Variants in DENND1B observed in about 807,000 individuals in gnomAD.
The protein encoded by DENND1B is DENN domain-containing protein 1B.
DENND1B carries 59 observed loss-of-function variants against 90.1 expected under a neutral mutation model. The ratio of observed to expected loss-of-function variants is 0.65; its 90% CI spans 0.53 to 0.81. The LOEUF (loss-of-function observed/expected upper bound fraction) is 0.81, where lower values mean the gene tolerates loss of function less well. DENND1B is among the 40% of genes least tolerant of loss of function. DENND1B has a pLI of 0.00. For synonymous variants in DENND1B, 337 were observed against 324.6 expected, an observed-to-expected ratio of 1.04 and a Z score of -0.41; for missense variants, 862 against 912.6, an observed-to-expected ratio of 0.94 and a Z score of 0.71.
At chr1:197,760,122 A>G (rs143493894) in intron 2 of DENND1B, among the ~76,000 whole-genome samples, 58 of 152,346 alleles carry the variant, frequency 3.8e-4, no homozygotes, top group African/African-American at 1.3e-3. Flanking sequence ...TAAGATGACT[A>G]GAAAGCAATT....
chr1:197,684,431 T>G (rs1192484437), intron 3 of DENND1B, among the ~76,000 whole-genome samples: 2 of 152,226 alleles, frequency 1.3e-5, no homozygotes, highest in Non-Finnish European at 2.9e-5. Flanking sequence ...AATCAGCAGA[T>G]GCCTAAATGT....
intron 10 of DENND1B, among the ~76,000 whole-genome samples, chr1:197,635,443 C>G (rs1679699048): frequency 6.6e-6 from 1 of 152,006 alleles, no homozygotes. Context: ...CTCAAGCAAT[C>G]CTCCCACCTC....
At chr1:197,691,997 C>T (rs1657939466) in intron 3 of DENND1B, among the ~76,000 whole-genome samples, 1 of 151,856 alleles carries the variant, frequency 6.6e-6, no homozygotes, top group South Asian at 2.1e-4. Context: ...TCAACAGGTA[C>T]AAAGTTCAGT....
At chr1:197,779,380 G>A (rs1344255082), upstream of DENND1B, among the ~76,000 whole-genome samples, 1 of 152,070 alleles carries the variant, frequency 6.6e-6, no homozygotes, top group Non-Finnish European at 1.5e-5. Context: ...TCACTGTGAA[G>A]TATCTAGGTG....
At chr1:197,693,250 A>G (rs1490445137) in intron 3 of DENND1B, among the ~76,000 whole-genome samples, 1 of 151,684 alleles carries the variant, frequency 6.6e-6, no homozygotes, top group East Asian at 1.9e-4. Context: ...AAGCTGCAAT[A>G]TTGTCACTTA....
chr1:197,519,087 A>C (rs1668593909), intron 20 of DENND1B, among the ~76,000 whole-genome samples: 1 of 151,946 alleles, frequency 6.6e-6, no homozygotes, highest in South Asian at 2.1e-4. Flanking sequence ...TGAAGATGTA[A>C]TTATTACATT....
At chr1:197,659,806 G>A (rs995090047) in intron 5 of DENND1B, among the ~76,000 whole-genome samples, 15 of 151,794 alleles carry the variant, frequency 9.9e-5, no homozygotes, top group Admixed American at 7.9e-4. Context: ...AAAGCCCCTC[G>A]AAGTCCTATT....
rs760132058 is a variant in DENND1B at position 197,674,179 on chromosome 1, G to A, written c.127-10C>T. ...CACTCTGTAGTATTTCCTACAAATG[G>A]AAATTTCAAAAAAAAGAAATAAGTT... On this transcript the variant is annotated splice_polypyrimidine_tract_variant and intron_variant, in intron 3 of 22. Transcript: ENST00000620048. 22 of 1,575,854 alleles carry A rather than the reference G, an allele frequency of 1.4e-5. No homozygotes were observed. Among genetic ancestry groups the A allele is most frequent in the Admixed American group, 1.9e-5 (1 of 53,762 alleles).
At chr1:197,728,706 C>T (rs1483537011) in intron 2 of DENND1B, among the ~76,000 whole-genome samples, 1 of 152,182 alleles carries the variant, frequency 6.6e-6, no homozygotes, top group African/African-American at 2.4e-5. Flanking sequence ...CTCTTCTCAA[C>T]TCACTGCCAC....
chr1:197,531,404 T>A, intron 20 of DENND1B, among the ~76,000 whole-genome samples: 1 of 3,662 alleles, frequency 2.7e-4, no homozygotes, highest in African/African-American at 2.9e-4. Context: ...TTTTTTTTTT[T>A]CTTTTTTTTT....
At chr1:197,658,151 A>G in intron 6 of DENND1B, 149 bp downstream of exon 6, 1 of 688,348 alleles carries the variant, frequency 1.5e-6, no homozygotes, top group Non-Finnish European at 2.6e-6. Context: ...TTAGACTGGC[A>G]AGGAAAAAAG....
At chr1:197,584,832 C>T (rs1030779418) in intron 14 of DENND1B, among the ~76,000 whole-genome samples, 1 of 151,866 alleles carries the variant, frequency 6.6e-6, no homozygotes, top group Non-Finnish European at 1.5e-5. Flanking sequence ...CCACCATGCC[C>T]GGCTAACATT....
chr1:197,674,667 T>TAAAA (rs35033905), intron 3 of DENND1B, among the ~76,000 whole-genome samples: 1 of 144,700 alleles, frequency 6.9e-6, no homozygotes, highest in African/African-American at 2.5e-5. Flanking sequence ...GTCAAACAGT[T>TAAAA]AAAAAAAAAA....
intron 2 of DENND1B, among the ~76,000 whole-genome samples, chr1:197,752,591 A>T (rs957921669): frequency 2.0e-5 from 3 of 152,046 alleles, no homozygotes; most frequent in African/African-American, 7.3e-5. Context: ...TGAGTTTAGT[A>T]GCTCTTTGGC....
chr1:197,578,347 C>T (rs543447266), intron 15 of DENND1B, among the ~76,000 whole-genome samples: 6 of 152,180 alleles, frequency 3.9e-5, no homozygotes, highest in African/African-American at 1.4e-4. Flanking sequence ...CAGGTTCAAG[C>T]TATTCTCCTG....
intron 3 of DENND1B, chr1:197,689,838 T>C (rs1395704671): frequency 6.6e-6 from 1 of 152,600 alleles, no homozygotes; most frequent in Non-Finnish European, 1.5e-5. Context: ...GTCCCTGCCA[T>C]CAATGTTAGA....
intron 14 of DENND1B, among the ~76,000 whole-genome samples, chr1:197,587,600 G>T (rs1433975272): frequency 6.6e-6 from 1 of 152,114 alleles, no homozygotes; most frequent in African/African-American, 2.4e-5. Context: ...AACTCTGGAG[G>T]TCGGGGACTA....
intron 15 of DENND1B, among the ~76,000 whole-genome samples, chr1:197,566,097 G>C (rs1246052596): frequency 3.9e-5 from 6 of 151,992 alleles, no homozygotes; most frequent in Non-Finnish European, 1.5e-5. Flanking sequence ...CTAGTTTACA[G>C]TCCCACCAAC....
chr1:197,629,741 T>C (rs919079988), intron 10 of DENND1B, among the ~76,000 whole-genome samples: 1 of 151,654 alleles, frequency 6.6e-6, no homozygotes, highest in Non-Finnish European at 1.5e-5. Flanking sequence ...TGAAAAACAC[T>C]GTCAAGAAAA....
Sources: allele counts gnomAD v4.1 joint callset (sites outside exome capture counted in the v4.1 genomes callset), GRCh38; gene constraint gnomAD v4.1.1; transcripts MANE v1.5; gene names NCBI Gene and HGNC (gene_info 2026-07-23, HGNC 2026-07-21).